ACAD11: variants seen among roughly 807,000 people sequenced by gnomAD.
The protein encoded by ACAD11 is acyl-CoA dehydrogenase family member 11.
In ACAD11, 83 loss-of-function variants were observed where a neutral mutation model predicts 102.2. The ratio of observed to expected loss-of-function variants is 0.81; its 90% confidence interval spans 0.68 to 0.97. ACAD11 has a LOEUF of 0.97. Among genes scored for constraint, ACAD11 ranks in the 50% least tolerant of loss-of-function variants. The pLI, the probability that ACAD11 is intolerant of heterozygous loss-of-function variation, is 0.00. For synonymous variants in ACAD11, 324 were observed against 319.8 expected (o/e 1.01, Z -0.14); for missense variants, 901 against 951.7 (o/e 0.95, Z 0.70).
Position 132,559,915 on chromosome 3 carries a change from G to C in ACAD11, c.2146C>G (p.Arg716Gly). ...CAGTCAACGATTTTGCTGACAGCCC[G>C]TGGGGCAGCCACTTTGATCATTGCA... ...EIAMIKVAAP[R>G]AVSKIVDWAI... The change falls in exon 19 of 20, where the codon CGG (arginine) becomes GGG (glycine). Residue 716 changes from arginine to glycine, a missense_variant. Physicochemically the swap from Arg to Gly is moderately radical, Grantham distance 125. Coordinates refer to ENST00000264990, the MANE Select transcript of ACAD11 (RefSeq NM_032169.5). 1 of 1,613,168 alleles carries C rather than the reference G, an allele frequency of 6.2e-7. No individual in the cohort carries two copies. Among genetic ancestry groups the C allele is most frequent in the Non-Finnish European group, 8.5e-7 (1 of 1,179,516 alleles).
intron 5 of ACAD11, among the ~76,000 whole-genome samples, chr3:132,637,160 G>T (rs1194653119): frequency 6.6e-6 from 1 of 152,074 alleles, no homozygotes; most frequent in Non-Finnish European, 1.5e-5. Flanking sequence ...GACATCCCCT[G>T]TAGGGTTATT....
At chr3:132,573,381 A>C (rs901688403) in intron 17 of ACAD11, among the ~76,000 whole-genome samples, 7 of 152,168 alleles carry the variant, frequency 4.6e-5, no homozygotes, top group African/African-American at 1.4e-4. Flanking sequence ...TTAAAATATA[A>C]AGTATCTCAT....
chr3:132,598,319 C>A (rs1414159221), intron 13 of ACAD11, among the ~76,000 whole-genome samples: 1 of 152,102 alleles, frequency 6.6e-6, no homozygotes, highest in Non-Finnish European at 1.5e-5. Context: ...CAACATAGTG[C>A]AATAACAATG....
intron 7 of ACAD11, 37 bp downstream of exon 7, chr3:132,630,400 A>G (rs1290929152): frequency 6.3e-6 from 10 of 1,595,978 alleles, no homozygotes; most frequent in African/African-American, 4.0e-5. Flanking sequence ...TACACTGGTA[A>G]ATAATGGCGA....
At chr3:132,610,120 G>A (rs531130981) in intron 11 of ACAD11, among the ~76,000 whole-genome samples, 10 of 152,088 alleles carry the variant, frequency 6.6e-5, no homozygotes, top group African/African-American at 1.2e-4. Context: ...TTGATAGAAC[G>A]TATCTCAAAA....
intron 11 of ACAD11, among the ~76,000 whole-genome samples, chr3:132,615,788 G>A (rs533430910): frequency 2.4e-4 from 36 of 152,220 alleles, no homozygotes; most frequent in Non-Finnish European, 4.1e-4. Flanking sequence ...TTCTGCACAC[G>A]TATCCCAGAA....
At chr3:132,585,191 A>T (rs140821028) in intron 13 of ACAD11, among the ~76,000 whole-genome samples, 1 of 152,222 alleles carries the variant, frequency 6.6e-6, no homozygotes, top group African/African-American at 2.4e-5. Context: ...ATAATGCCGC[A>T]TATGTACAAC....
At chr3:132,559,123 T>G in intron 19 of ACAD11, 38 bp from the exon 20 acceptor site, 1 of 1,402,298 alleles carries the variant, frequency 7.1e-7, no homozygotes, top group African/African-American at 1.4e-5. Flanking sequence ...CAGGGAGTTA[T>G]GGAAGAGGAA....
At chr3:132,612,693 T>G (rs930713201) in intron 11 of ACAD11, among the ~76,000 whole-genome samples, 10 of 151,942 alleles carry the variant, frequency 6.6e-5, no homozygotes, top group South Asian at 2.1e-4. Flanking sequence ...CTCACACCAG[T>G]TAGAATGGCA....
intron 11 of ACAD11, among the ~76,000 whole-genome samples, chr3:132,607,020 G>A (rs1485675136): frequency 6.6e-6 from 1 of 152,160 alleles, no homozygotes; most frequent in Non-Finnish European, 1.5e-5. Flanking sequence ...GCAAACTCCA[G>A]CAGACCTGCA....
intron 13 of ACAD11, among the ~76,000 whole-genome samples, chr3:132,583,526 G>C (rs1937656504): frequency 6.6e-6 from 1 of 152,076 alleles, no homozygotes; most frequent in African/African-American, 2.4e-5. Flanking sequence ...ATTTTTTGAA[G>C]GGTTTTTTGT....
chr3:132,592,995 T>C (rs934593813), intron 13 of ACAD11, among the ~76,000 whole-genome samples: 6 of 151,572 alleles, frequency 4.0e-5, no homozygotes, highest in African/African-American at 1.2e-4. Flanking sequence ...CTATAGAAAA[T>C]GGTTAGATCA....
At chr3:132,622,842 G>A (rs1939658258) in intron 9 of ACAD11, among the ~76,000 whole-genome samples, 1 of 152,106 alleles carries the variant, frequency 6.6e-6, no homozygotes, top group Non-Finnish European at 1.5e-5. Context: ...TCTTAAATCT[G>A]AGCCTACAAA....
chr3:132,626,334 GTGTCCATCT>G (rs1015709641), intron 9 of ACAD11, among the ~76,000 whole-genome samples: 5 of 151,558 alleles, frequency 3.3e-5, no homozygotes, highest in African/African-American at 1.2e-4. Flanking sequence ...TTCTCTAGGT[GTGTCCATCT>G]TGTATAGTCT....
chr3:132,654,114 T>C (rs1357655100), intron 1 of ACAD11, among the ~76,000 whole-genome samples: 1 of 152,214 alleles, frequency 6.6e-6, no homozygotes, highest in Non-Finnish European at 1.5e-5. Flanking sequence ...AATAACCCTA[T>C]TCTTTCAGTT....
rs1473498194 is a variant in ACAD11, at chr3:132,626,782, G to A, written c.1106C>T (p.Thr369Ile). The A allele has an allele frequency of 1.2e-6, 2 of 1,613,610 alleles. No individual in the cohort carries two copies. The highest frequency in any genetic ancestry group is 1.3e-5 in the African/African-American group (1 of 74,872). Residue 369 changes from threonine (T) to isoleucine (I), a missense_variant, in exon 9 of 20, where the codon ACT becomes ATT. Physicochemically the swap from Thr to Ile is moderately conservative, Grantham distance 89. Transcript: ENST00000264990. ...FSTVLPQIDTTGQLFVQTRKG... is the reference protein window; with the variant it reads ...FSTVLPQIDTIGQLFVQTRKG... ...CCGAGTCTGTACAAACAACTGTCCA[G>A]TAGTATCAATCTGTGGTAGTACAGT...
intron 13 of ACAD11, among the ~76,000 whole-genome samples, chr3:132,585,678 A>C (rs1234674323): frequency 6.6e-6 from 1 of 152,238 alleles, no homozygotes; most frequent in Non-Finnish European, 1.5e-5. Flanking sequence ...AAAGTGGGCA[A>C]AGGATATGAA....
rs767451713 is a variant in ACAD11, at chr3:132,642,052, A to G, written c.457T>C (p.Leu153=). The G allele has an allele frequency of 9.3e-6, 15 of 1,614,088 alleles. No homozygotes were observed. Among genetic ancestry groups the G allele is most frequent in the Non-Finnish European group, 1.3e-5 (15 of 1,179,970 alleles). ...ATATTCAAGGAATGTAACTGAGCCA[A>G]TGTTTCTACCGTGGCCACATATATG... ...SAIYVATVET[L]AQLHSLNIQS... is the part of the protein sequence containing the mutation. Residue 153 remains leucine (L), a synonymous_variant, in exon 4 of 20, where the codon TTG becomes CTG. Transcript: ENST00000264990.
At position 132,618,884 on chromosome 3, in the gene ACAD11, T is replaced by C. The variant is rs182946740; in HGVS notation, c.1276-112A>G. 133 of 1,084,774 alleles carry C rather than the reference T, an allele frequency of 1.2e-4. No homozygotes were observed. In the East Asian group the frequency reaches 3.4e-3, roughly 27 times the overall value. 67.2% of individuals were successfully genotyped at this position (1,084,774 alleles called of 1,614,324 possible). A position where few individuals can be genotyped will look rare whatever the true frequency, so the allele number is the denominator to read the frequency against. The stretch of plus-strand genomic sequence containing the variant: ...GATCTTTGAAATTTAAAAACACTTA[T>C]GGAGTTATTTATTTTACTGTATTCT... On this transcript the variant is annotated intron_variant, in intron 10 of 19. Transcript: ENST00000264990.
Sources: allele counts gnomAD v4.1 joint callset (sites outside exome capture counted in the v4.1 genomes callset), GRCh38; gene constraint gnomAD v4.1.1; transcripts MANE v1.5; gene names NCBI Gene and HGNC (gene_info 2026-07-23, HGNC 2026-07-21).